Variants in GPN3 observed in about 807,000 individuals in gnomAD.
The protein encoded by GPN3 is GPN-loop GTPase 3.
In GPN3, 31 loss-of-function variants were observed where a neutral mutation model predicts 38.7. That is an observed-to-expected ratio of 0.80 (90% CI 0.60 to 1.08). The LOEUF is 1.08. Ranked by LOEUF, GPN3 falls within the 50% of genes least tolerant of loss-of-function variation. The pLI is 0.00. For synonymous variants in GPN3, 116 were observed against 120.2 expected (o/e 0.96, Z 0.23); for missense variants, 301 against 354.4 (o/e 0.85, Z 1.21).
chr12:110,466,929 G>A (rs1251773498), intron 1 of GPN3, among the ~76,000 whole-genome samples: 1 of 151,888 alleles, frequency 6.6e-6, no homozygotes, highest in Non-Finnish European at 1.5e-5. Flanking sequence ...CAACAGCTTA[G>A]AACAATGTGT....
chr12:110,464,209 T>C (rs2062611393), intron 2 of GPN3, among the ~76,000 whole-genome samples: 2 of 152,088 alleles, frequency 1.3e-5, no homozygotes, highest in African/African-American at 2.4e-5. Context: ...ATTACCATCC[T>C]TCAGGTCTAG....
At chr12:110,465,260 G>C (rs777395467) in intron 1 of GPN3, 46 bp from the exon 2 acceptor site, 1 of 1,027,952 alleles carries the variant, frequency 9.7e-7, no homozygotes, top group Admixed American at 1.7e-5. Flanking sequence ...AGGTAGTGTA[G>C]TGCTACCTTC....
intron 2 of GPN3, chr12:110,461,267 G>A (rs879132782): frequency 7.6e-7 from 1 of 1,322,210 alleles, no homozygotes; most frequent in South Asian, 1.2e-5. Context: ...AAAACGTAAT[G>A]AGGATGAAGA....
At chr12:110,461,121 C>T (rs1033715087) in intron 2 of GPN3, 2 of 1,323,586 alleles carry the variant, frequency 1.5e-6, no homozygotes, top group Non-Finnish European at 2.2e-6. Context: ...GCCCCTCAGG[C>T]ACTCAAAGAG....
chr12:110,468,076 G>A (rs1379249325), intron 1 of GPN3, 80 bp downstream of exon 1: 1 of 1,606,976 alleles, frequency 6.2e-7, no homozygotes, highest in South Asian at 1.1e-5. Flanking sequence ...ACACACACCC[G>A]CCGGCTCACT....
chr12:110,460,882 T>C, intron 2 of GPN3: 2 of 664,266 alleles, frequency 3.0e-6, no homozygotes, highest in Non-Finnish European at 5.5e-6. Flanking sequence ...GAGAATCACT[T>C]GAACCCAGCA....
chr12:110,462,637 G>T (rs1565844800), intron 2 of GPN3, among the ~76,000 whole-genome samples: 2 of 152,140 alleles, frequency 1.3e-5, no homozygotes, highest in Non-Finnish European at 2.9e-5. Context: ...GCCCAGGCTG[G>T]AGTGCAATGG....
chr12:110,461,412 A>G, intron 2 of GPN3: 1 of 601,740 alleles, frequency 1.7e-6, no homozygotes, highest in South Asian at 2.0e-5. Flanking sequence ...AAAAAAAAAA[A>G]GACTCCATCT....
chr12:110,459,889 T>C (rs756329370), intron 2 of GPN3, 27 bp from the exon 3 acceptor site: 1 of 1,582,156 alleles, frequency 6.3e-7, no homozygotes, highest in South Asian at 1.1e-5. Context: ...GGGCCCAGAA[T>C]ATATGTGTCC....
Position 110,468,041 on chromosome 12 carries a change from T to C in GPN3, c.48+115A>G. On this transcript the variant is annotated intron_variant, in intron 1 of 7. Coordinates refer to ENST00000228827, the MANE Select transcript of GPN3 (RefSeq NM_016301.4). Reference sequence around the variant, plus strand: ...GTGAAGCCAGACAGCAGAAATGAGTTGCGTGGGGTCTCAGGGTTCCCAGTA... The same window carrying C: ...GTGAAGCCAGACAGCAGAAATGAGTCGCGTGGGGTCTCAGGGTTCCCAGTA... The C allele has an allele frequency of 2.9e-6, 4 of 1,389,546 alleles. No individual in the cohort carries two copies. In the South Asian group the frequency reaches 4.6e-5, roughly 16 times the overall value. The allele number at this position is 1,389,546 out of a possible 1,614,324, so 86.1% of individuals were successfully genotyped here.
At chr12:110,455,415 A>G (rs1474674104) in intron 6 of GPN3, among the ~76,000 whole-genome samples, 171 bp downstream of exon 6, 1 of 152,080 alleles carries the variant, frequency 6.6e-6, no homozygotes, top group Non-Finnish European at 1.5e-5. Context: ...GGTGTGAGCC[A>G]CTGCACCTGG....
intron 1 of GPN3, among the ~76,000 whole-genome samples, chr12:110,467,767 C>T (rs2062645038): frequency 6.6e-6 from 1 of 152,176 alleles, no homozygotes; most frequent in Non-Finnish European, 1.5e-5. Context: ...CCCCACTTTA[C>T]CCTCCTGGGA....
intron 2 of GPN3, among the ~76,000 whole-genome samples, chr12:110,460,782 T>C (rs1344483522): frequency 6.6e-6 from 1 of 152,100 alleles, no homozygotes; most frequent in Non-Finnish European, 1.5e-5. Context: ...CTGGCGAACA[T>C]GGTGAAGCCC....
intron 1 of GPN3, among the ~76,000 whole-genome samples, chr12:110,467,846 T>C (rs1211573407): frequency 6.6e-6 from 1 of 152,128 alleles, no homozygotes; most frequent in African/African-American, 2.4e-5. Flanking sequence ...GCAAAGAACT[T>C]AATTAACCTT....
Position 110,453,031 on chromosome 12 carries a change from T to C in GPN3, c.*3A>G, listed in dbSNP as rs954411615. ...CTTTAGATGGTTACTTTTAGTAAACTCTTCATTCATCCTGGCATTCTTGAA... is the reference window on the plus strand; with the variant it reads ...CTTTAGATGGTTACTTTTAGTAAACCCTTCATTCATCCTGGCATTCTTGAA... On this transcript the variant is annotated 3_prime_UTR_variant, in exon 8 of 8. Coordinates refer to ENST00000228827, the MANE Select transcript of GPN3 (RefSeq NM_016301.4). The C allele has an allele frequency of 3.1e-6, 4 of 1,288,994 alleles. No individual in the cohort carries two copies. The highest frequency in any genetic ancestry group is 4.5e-6 in the Non-Finnish European group (4 of 882,884). 79.8% of individuals were successfully genotyped at this position (1,288,994 alleles called of 1,614,324 possible). A position where few individuals can be genotyped will look rare whatever the true frequency, so the allele number is the denominator to read the frequency against.
chr12:110,468,405 G>T (rs2062653031), upstream of GPN3: 3 of 1,531,666 alleles, frequency 2.0e-6, no homozygotes, highest in Admixed American at 2.0e-5. Context: ...GCGAGGGAGA[G>T]GATTTGCGCG....
In GPN3 at chr12:110,465,115, C is replaced by A; in HGVS notation, c.148G>T (p.Val50Leu). The change falls in exon 2 of 8, where the codon GTG (valine) becomes TTG (leucine). Residue 50 changes from valine (V) to leucine (L), a missense_variant. Physicochemically the swap from Val to Leu is conservative, Grantham distance 32 (BLOSUM62 1). Coordinates refer to ENST00000228827, the MANE Select transcript of GPN3 (RefSeq NM_016301.4). ...TTTGCTCAGGACTTACCAGCCATCA[C>A]GGAGTAGTTGAAGTGTTCTGCTGCT... ...DPAAEHFNYS[V>L]MADIRELIEV... 6.3e-7 allele frequency: 1 copy of A among 1,574,824 alleles called. No homozygotes were observed. Among genetic ancestry groups the A allele is most frequent in the South Asian group, 1.1e-5 (1 of 90,308 alleles).
chr12:110,463,492 G>A (rs1436211145), intron 2 of GPN3, among the ~76,000 whole-genome samples: 8 of 149,536 alleles, frequency 5.3e-5, no homozygotes, highest in East Asian at 2.0e-4. Context: ...AAAAAAGGCC[G>A]GATGCAGTGG....
chr12:110,456,019 AC>A (rs1376547132), intron 4 of GPN3, 89 bp from the exon 5 acceptor site: 1 of 735,626 alleles, frequency 1.4e-6, no homozygotes, highest in Non-Finnish European at 2.4e-6. Flanking sequence ...CCTCACTGGA[AC>A]AGAACTGGCC....
Sources: gnomAD v4.1 joint callset for allele counts (sites outside exome capture counted in the v4.1 genomes callset) on GRCh38, gnomAD v4.1.1 for gene constraint, MANE v1.5 for transcripts, NCBI Gene and HGNC (gene_info 2026-07-23, HGNC 2026-07-21) for gene names.